MORC1: variants seen among roughly 807,000 people sequenced by gnomAD.
MORC1 encodes MORC family CW-type zinc finger 1.
MORC1 carries 59 observed loss-of-function variants against 134.9 expected under a neutral mutation model. The observed-to-expected ratio is 0.44, with a 90% CI of 0.35 to 0.54. The LOEUF is 0.54. MORC1 is among the 20% of genes least tolerant of loss of function. The pLI is 0.00. For missense variants in MORC1, 947 were observed against 1,134.5 expected (o/e 0.83, Z 2.37); for synonymous variants, 395 against 391.7 (o/e 1.01, Z -0.10).
At chr3:109,054,916 A>AT (rs773288157) in intron 13 of MORC1, 34 bp from the exon 14 acceptor site, 1 of 1,562,690 alleles carries the variant, frequency 6.4e-7, no homozygotes, top group Non-Finnish European at 8.6e-7. Flanking sequence ...AATTTTGAAA[A>AT]TTTGGCTAAA....
chr3:109,000,488 T>G, intron 21 of MORC1, 69 bp downstream of exon 21: 1 of 1,192,060 alleles, frequency 8.4e-7, no homozygotes, highest in Non-Finnish European at 1.2e-6. Flanking sequence ...TTTGAGACAC[T>G]AACAGATCCC....
chr3:109,099,439 A>G lies in MORC1; in HGVS notation c.342T>C (p.Phe114=), dbSNP rs757186174. Residue 114 remains phenylalanine (F), a synonymous_variant, in exon 6 of 28, where the codon TTT becomes TTC. Coordinates refer to ENST00000232603, the MANE Select transcript of MORC1 (RefSeq NM_014429.4). The part of the protein sequence containing the change: ...KSGSMRIGKD[F]ILFTKKEETM... The stretch of plus-strand genomic sequence containing the variant: ...TTTCTTCCTTCTTCGTAAAAAGAAT[A>G]AAGTCTTTTCCAATTCTCATGGACC... 3 of 1,612,768 alleles carry G rather than the reference A, an allele frequency of 1.9e-6. No individual in the cohort carries two copies. The highest frequency in any genetic ancestry group is 1.1e-5 in the South Asian group (1 of 90,762).
chr3:109,062,178 A>C, intron 10 of MORC1, 120 bp from the exon 11 acceptor site: 1 of 832,638 alleles, frequency 1.2e-6, no homozygotes, highest in East Asian at 2.6e-5. Flanking sequence ...GATCTGAGAA[A>C]ACCCTATGTT....
In MORC1 at chr3:108,986,964, C is replaced by T. The variant is rs749125190; in HGVS notation, c.2188-15G>A. ...TTATCTGAAACCTGAAAAACAAGCT[C>T]TTTATTTAAAACTGTACAAAAACAT... On this transcript the variant is annotated splice_polypyrimidine_tract_variant and intron_variant, in intron 21 of 27. Coordinates refer to ENST00000232603, the MANE Select transcript of MORC1 (RefSeq NM_014429.4). 28 of 1,551,218 alleles carry T rather than the reference C, an allele frequency of 1.8e-5. No individual in the cohort carries two copies. The highest frequency in any genetic ancestry group is 2.4e-5 in the Non-Finnish European group (28 of 1,152,524).
chr3:108,997,187 A>C (rs1486649549), intron 21 of MORC1, among the ~76,000 whole-genome samples: 1 of 152,074 alleles, frequency 6.6e-6, no homozygotes, highest in Non-Finnish European at 1.5e-5. Flanking sequence ...ATCAGAAAAT[A>C]AGGATTGTCC....
chr3:109,057,578 G>A (rs966898969), intron 12 of MORC1, 92 bp from the exon 13 acceptor site: 155 of 1,199,916 alleles, frequency 1.3e-4, no homozygotes, highest in Non-Finnish European at 1.6e-4. Context: ...GAAGGTTAAC[G>A]TCAAAGGCAT....
intron 17 of MORC1, among the ~76,000 whole-genome samples, 195 bp downstream of exon 17, chr3:109,027,556 T>C (rs761828920): frequency 3.5e-4 from 49 of 138,116 alleles, no homozygotes; most frequent in Non-Finnish European, 5.8e-4. Context: ...AGATATCACA[T>C]ATACAGTATT....
rs528336477 is a variant in MORC1 at position 109,054,010 on chromosome 3, G to A, written c.1330+718C>T. On this transcript the variant is annotated intron_variant, in intron 14 of 27. Coordinates refer to ENST00000232603, the MANE Select transcript of MORC1 (RefSeq NM_014429.4). ...CAAAGTCTAACATATCTGCCCAGGC[G>A]TGGTGGCTCAGGCCTGTAATCCCAG... is the stretch of plus-strand genomic sequence containing the variant. 3.1e-4 allele frequency among the ~76,000 whole-genome samples: 47 copies of A among 152,138 alleles called. 2 individuals are homozygous for A. The South Asian group carries it at 8.5e-3, about 28-fold the overall frequency.
At chr3:109,055,874 A>G (rs771389249) in intron 13 of MORC1, among the ~76,000 whole-genome samples, 9 of 152,170 alleles carry the variant, frequency 5.9e-5, no homozygotes, top group Non-Finnish European at 1.2e-4. Flanking sequence ...GTGCTGTGAT[A>G]TGTGAAGAGT....
rs1947913051 is a variant in MORC1, at chr3:108,987,034, C to T, written c.2188-85G>A. 4 of 986,532 alleles carry T rather than the reference C, an allele frequency of 4.1e-6. No homozygotes were observed. In the South Asian group the frequency reaches 6.8e-5, roughly 17 times the overall value. 61.1% of individuals were successfully genotyped at this position (986,532 alleles called of 1,614,324 possible). ...ACAAAAGACCTTGAAAAGCAGTGTC[C>T]CCAGCAGAAAAGAAATCATAATGTT... is the stretch of plus-strand genomic sequence containing the variant. On this transcript the variant is annotated intron_variant, in intron 21 of 27. Transcript: ENST00000232603.
At chr3:109,077,542 TA>T (rs1253735132) in intron 8 of MORC1, among the ~76,000 whole-genome samples, 2 of 152,030 alleles carry the variant, frequency 1.3e-5, no homozygotes, top group Admixed American at 6.6e-5. Flanking sequence ...ATTAAAAATG[TA>T]AAACTAATCC....
intron 9 of MORC1, among the ~76,000 whole-genome samples, chr3:109,069,195 G>A (rs1167692340): frequency 6.6e-6 from 1 of 151,692 alleles, no homozygotes; most frequent in Non-Finnish European, 1.5e-5. Flanking sequence ...TTATGTTAAA[G>A]TAAAAAAACA....
At chr3:109,004,198 G>A (rs1031313316) in intron 20 of MORC1, among the ~76,000 whole-genome samples, 2 of 152,108 alleles carry the variant, frequency 1.3e-5, no homozygotes, top group Admixed American at 1.3e-4. Flanking sequence ...GCAGAACTCA[G>A]CAGATATTTG....
Position 109,029,332 on chromosome 3 carries a change from C to G in MORC1, c.1566-1443G>C, listed in dbSNP as rs115348600. ...TGTGGGGTGGCATCTATACAGGCTT[C>G]TACTTCATTTCAGAAAAGAACCTGT... On this transcript the variant is annotated intron_variant, in intron 16 of 27. Coordinates refer to ENST00000232603, the MANE Select transcript of MORC1 (RefSeq NM_014429.4). 5.1e-3 allele frequency among the ~76,000 whole-genome samples: 779 copies of G among 152,288 alleles called. 18 individuals are homozygous for G. The highest frequency in any genetic ancestry group is 0.018 in the African/African-American group (748 of 41,566).
At chr3:108,999,783 T>C (rs905656912) in intron 21 of MORC1, among the ~76,000 whole-genome samples, 1 of 152,192 alleles carries the variant, frequency 6.6e-6, no homozygotes, top group Non-Finnish European at 1.5e-5. Context: ...AATGAAACTA[T>C]AATGAGTAAT....
At chr3:109,002,406 C>T (rs1053647178) in intron 20 of MORC1, among the ~76,000 whole-genome samples, 5 of 152,192 alleles carry the variant, frequency 3.3e-5, no homozygotes, top group African/African-American at 1.2e-4. Flanking sequence ...TACATGCACC[C>T]TTCTCATGCT....
chr3:109,076,397 A>T (rs1950422333), intron 8 of MORC1, among the ~76,000 whole-genome samples: 1 of 152,214 alleles, frequency 6.6e-6, no homozygotes, highest in South Asian at 2.1e-4. Context: ...AATTAGTTCA[A>T]CCATTGTGGA....
intron 9 of MORC1, among the ~76,000 whole-genome samples, chr3:109,063,579 C>T (rs906308621): frequency 2.7e-4 from 41 of 152,218 alleles, no homozygotes; most frequent in African/African-American, 9.9e-4. Context: ...AGCCCTCTTA[C>T]TCAGATTATG....
chr3:109,084,357 C>T (rs1950578601), intron 8 of MORC1, among the ~76,000 whole-genome samples: 1 of 152,046 alleles, frequency 6.6e-6, no homozygotes, highest in Middle Eastern at 3.4e-3. Flanking sequence ...CTATATGCCA[C>T]CAGCAAACAA....
Sources: allele counts gnomAD v4.1 joint callset (sites outside exome capture counted in the v4.1 genomes callset), GRCh38; gene constraint gnomAD v4.1.1; transcripts MANE v1.5; gene names NCBI Gene and HGNC (gene_info 2026-07-23, HGNC 2026-07-21).